The following JMJD1C variants were observed in gnomAD, a reference collection of about 807,000 sequenced individuals.
JMJD1C encodes jumonji domain containing 1C.
Under a neutral mutation model 245.3 loss-of-function variants are expected in JMJD1C, and 31 were observed. That is an observed-to-expected ratio of 0.13 (90% CI 0.09 to 0.17). The LOEUF is 0.17. JMJD1C is among the 10% of genes least tolerant of loss of function. The probability of loss-of-function intolerance (pLI) is 1.00; values close to 1 mark genes in which losing one functional copy is unlikely to be tolerated. For synonymous variants in JMJD1C, 1,057 were observed against 1,017.4 expected, an observed-to-expected ratio of 1.04 and a Z score of -0.74; for missense variants, 2,691 against 3,000.2, an observed-to-expected ratio of 0.90 and a Z score of 2.41.
upstream of JMJD1C, among the ~76,000 whole-genome samples, chr10:63,469,470 A>T (rs1564955430): frequency 6.6e-6 from 1 of 152,204 alleles, no homozygotes; most frequent in Non-Finnish European, 1.5e-5. Context: ...CGTGAAGGTC[A>T]GTTATCAAGT....
intron 1 of JMJD1C, among the ~76,000 whole-genome samples, chr10:63,500,239 T>C (rs1271818963): frequency 6.6e-6 from 1 of 151,950 alleles, no homozygotes; most frequent in African/African-American, 2.4e-5. Context: ...TTGGGTAACA[T>C]GGTGATACCC....
chr10:63,239,617 G>C (rs927968060), intron 3 of JMJD1C, among the ~76,000 whole-genome samples: 2 of 152,086 alleles, frequency 1.3e-5, no homozygotes, highest in African/African-American at 4.8e-5. Flanking sequence ...GCTAATTTTT[G>C]TATTTTTAGT....
chr10:63,187,014 C>A (rs975366867), intron 18 of JMJD1C, among the ~76,000 whole-genome samples: 2 of 152,062 alleles, frequency 1.3e-5, no homozygotes, highest in Non-Finnish European at 2.9e-5. Flanking sequence ...ACAGCAAAAC[C>A]CTGTCTCCAG....
At chr10:63,395,388 G>A (rs549500327) in intron 1 of JMJD1C, among the ~76,000 whole-genome samples, 26 of 152,154 alleles carry the variant, frequency 1.7e-4, no homozygotes, top group Middle Eastern at 3.2e-3. Flanking sequence ...TGAGGCAGGA[G>A]AATGGCGTGA....
intron 1 of JMJD1C, among the ~76,000 whole-genome samples, chr10:63,502,337 A>G (rs1180622980): frequency 1.3e-5 from 2 of 152,286 alleles, no homozygotes; most frequent in East Asian, 1.9e-4. Flanking sequence ...ATAAAATGTT[A>G]GCTTTAAAAA....
chr10:63,320,824 C>T (rs1940760681), intron 2 of JMJD1C, among the ~76,000 whole-genome samples: 1 of 152,038 alleles, frequency 6.6e-6, no homozygotes, highest in Non-Finnish European at 1.5e-5. Flanking sequence ...ACAGAAGACT[C>T]TTTTGTTCTA....
At chr10:63,366,807 G>A (rs932082573) in intron 2 of JMJD1C, among the ~76,000 whole-genome samples, 7 of 152,146 alleles carry the variant, frequency 4.6e-5, no homozygotes, top group African/African-American at 1.7e-4. Context: ...GGGTGCCTGG[G>A]TCACTGGATA....
intron 2 of JMJD1C, among the ~76,000 whole-genome samples, chr10:63,338,674 G>A: frequency 9.4e-6 from 1 of 105,890 alleles, no homozygotes; most frequent in East Asian, 3.0e-4. Flanking sequence ...TTGAGATAGA[G>A]TTTCGCTCTT....
chr10:63,397,727 T>C (rs1055128440), intron 1 of JMJD1C, among the ~76,000 whole-genome samples: 1 of 152,014 alleles, frequency 6.6e-6, no homozygotes, highest in African/African-American at 2.4e-5. Context: ...AGACACAAGG[T>C]CCTACTATGT....
intron 2 of JMJD1C, among the ~76,000 whole-genome samples, chr10:63,277,061 T>C (rs1213787333): frequency 7.9e-5 from 12 of 151,402 alleles, no homozygotes; most frequent in Admixed American, 3.3e-4. Context: ...TTTTGTATTT[T>C]TAGTAGAGAC....
chr10:63,247,874 A>G (rs1279098614), intron 3 of JMJD1C, among the ~76,000 whole-genome samples: 1 of 152,122 alleles, frequency 6.6e-6, no homozygotes, highest in Non-Finnish European at 1.5e-5. Context: ...CAAACAAAGA[A>G]GAGGAGGGAA....
At chr10:63,292,190 C>A (rs958871808) in intron 2 of JMJD1C, among the ~76,000 whole-genome samples, 3 of 108,400 alleles carry the variant, frequency 2.8e-5, no homozygotes, top group African/African-American at 1.1e-4. Flanking sequence ...AACTCCTGGT[C>A]TCAAGTGATT....
chr10:63,430,362 G>C (rs1432496985), intron 1 of JMJD1C, among the ~76,000 whole-genome samples: 1 of 152,200 alleles, frequency 6.6e-6, no homozygotes, highest in Non-Finnish European at 1.5e-5. Flanking sequence ...AATCAAGAGT[G>C]AAAAGACAAG....
At chr10:63,386,575 C>A (rs530196860) in intron 1 of JMJD1C, among the ~76,000 whole-genome samples, 32 of 152,318 alleles carry the variant, frequency 2.1e-4, no homozygotes, top group South Asian at 4.1e-4. Context: ...ACCATTGGTA[C>A]CTGAGCACTT....
chr10:63,223,155 C>G (rs1185199166), intron 3 of JMJD1C: 28 of 560,756 alleles, frequency 5.0e-5, no homozygotes, highest in Non-Finnish European at 2.2e-5. Context: ...CCCAAACAAA[C>G]AAAAACTTCC....
At chr10:63,303,757 T>C (rs766565299) in intron 2 of JMJD1C, among the ~76,000 whole-genome samples, 1 of 152,178 alleles carries the variant, frequency 6.6e-6, no homozygotes, top group East Asian at 1.9e-4. Flanking sequence ...TACAAACTAT[T>C]TGGATACAGG....
At chr10:63,246,039 AAAC>A (rs1380815328) in intron 3 of JMJD1C, among the ~76,000 whole-genome samples, 6 of 151,196 alleles carry the variant, frequency 4.0e-5, no homozygotes, top group African/African-American at 7.4e-5. Context: ...GAGAAGAAAA[AAAC>A]AACAATGAAA....
chr10:63,248,851 A>G (rs7915797), intron 3 of JMJD1C, among the ~76,000 whole-genome samples: 3,270 of 152,358 alleles, frequency 0.021, 115 homozygotes, highest in African/African-American at 0.073. Flanking sequence ...GACGAATGAT[A>G]TAGGAAATGT....
intron 3 of JMJD1C, chr10:63,223,132 C>CCA: frequency 2.4e-6 from 1 of 414,004 alleles, no homozygotes; most frequent in Non-Finnish European, 4.3e-6. Context: ...AAATTATCTG[C>CCA]AAAAAAAAAA....
Sources: gnomAD v4.1 joint callset for allele counts (sites outside exome capture counted in the v4.1 genomes callset) on GRCh38, gnomAD v4.1.1 for gene constraint, MANE v1.5 for transcripts, NCBI Gene and HGNC (gene_info 2026-07-23, HGNC 2026-07-21) for gene names.